PTPRZ1: variants seen among roughly 807,000 people sequenced by gnomAD.
PTPRZ1 encodes protein tyrosine phosphatase receptor type Z1, also known as receptor-type tyrosine-protein phosphatase zeta.
A neutral mutation model predicts 214.1 loss-of-function variants in PTPRZ1; 82 were observed. That is an observed-to-expected ratio of 0.38 (90% CI 0.32 to 0.46). The LOEUF is 0.46. Ranked by LOEUF, PTPRZ1 falls within the 20% of genes least tolerant of loss-of-function variation. The pLI is 1.00. For synonymous variants in PTPRZ1, 945 were observed against 987.9 expected, an observed-to-expected ratio of 0.96 and a Z score of 0.81; for missense variants, 2,603 against 2,748.7, an observed-to-expected ratio of 0.95 and a Z score of 1.19.
intron 1 of PTPRZ1, among the ~76,000 whole-genome samples, chr7:121,905,650 T>TACACACACACACACACAC (rs10528167): frequency 0.065 from 9,502 of 145,142 alleles, 449 homozygotes; most frequent in African/African-American, 0.12. Flanking sequence ...TTCTATTCTT[T>TACACACACACACACACAC]ACACACACAC....
At chr7:121,997,413 G>A (rs1017000789) in intron 9 of PTPRZ1, among the ~76,000 whole-genome samples, 26 of 152,120 alleles carry the variant, frequency 1.7e-4, no homozygotes, top group African/African-American at 5.3e-4. Context: ...TGGGAAAATC[G>A]TGAAATAAAT....
intron 15 of PTPRZ1, 147 bp downstream of exon 15, chr7:122,031,706 G>T: frequency 1.9e-6 from 1 of 534,246 alleles, no homozygotes. Context: ...TATGTGTTTA[G>T]GAGATGTGTT....
chr7:122,025,635 C>T (rs1799188643), intron 13 of PTPRZ1, among the ~76,000 whole-genome samples: 1 of 152,070 alleles, frequency 6.6e-6, no homozygotes, highest in African/African-American at 2.4e-5. Context: ...CCAGCCAAAA[C>T]AGTCTTTATG....
chr7:121,880,641 G>A (rs1299227395), intron 1 of PTPRZ1, among the ~76,000 whole-genome samples: 1 of 152,158 alleles, frequency 6.6e-6, no homozygotes, highest in East Asian at 1.9e-4. Context: ...TTTAAGCAGA[G>A]ATCATGGTAA....
intron 1 of PTPRZ1, among the ~76,000 whole-genome samples, chr7:121,877,553 C>T (rs755369501): frequency 2.4e-4 from 37 of 152,236 alleles, no homozygotes; most frequent in Middle Eastern, 3.4e-3. Context: ...GATACAGAAT[C>T]GTTCCAGCCA....
At chr7:122,027,319 C>A (rs1382542939) in intron 13 of PTPRZ1, among the ~76,000 whole-genome samples, 1 of 152,254 alleles carries the variant, frequency 6.6e-6, no homozygotes, top group African/African-American at 2.4e-5. Flanking sequence ...GGAAAGGAAG[C>A]TACTGAAGTA....
At chr7:121,922,880 TA>T (rs1201416296) in intron 1 of PTPRZ1, among the ~76,000 whole-genome samples, 1 of 152,208 alleles carries the variant, frequency 6.6e-6, no homozygotes, top group East Asian at 1.9e-4. Context: ...TTTTTTGGAT[TA>T]TTTCATACTC....
At chr7:122,019,447 A>G (rs1584748869) in intron 13 of PTPRZ1, among the ~76,000 whole-genome samples, 179 bp downstream of exon 13, 1 of 152,202 alleles carries the variant, frequency 6.6e-6, no homozygotes, top group African/African-American at 2.4e-5. Flanking sequence ...ATTGTTCTTC[A>G]TACATCAATT....
intron 1 of PTPRZ1, among the ~76,000 whole-genome samples, chr7:121,881,104 G>A (rs909844108): frequency 6.6e-6 from 1 of 152,146 alleles, no homozygotes. Context: ...AGGGTAATTA[G>A]GTCATGAGGG....
In PTPRZ1 at chr7:122,010,820, G is replaced by A. The variant is rs375597072; in HGVS notation, c.1774G>A (p.Ala592Thr). The change falls in exon 12 of 30, where the codon GCA becomes ACA. Residue 592 changes from alanine (A) to threonine (T), a missense_variant. Coordinates refer to ENST00000393386, the MANE Select transcript of PTPRZ1 (RefSeq NM_002851.3). ...GAEDSSGSSP[A>T]TSAIPFISEN... ...TGAAGATTCTTCAGGCTCCAGTCCC[G>A]CAACTTCTGCTATCCCATTCATCTC... 1.2e-5 allele frequency: 20 copies of A among 1,613,830 alleles called. No homozygotes were observed. The African/African-American group carries it at 1.7e-4, about 14-fold the overall frequency.
At chr7:121,925,629 T>A (rs371201415) in intron 1 of PTPRZ1, among the ~76,000 whole-genome samples, 2 of 152,118 alleles carry the variant, frequency 1.3e-5, no homozygotes, top group Non-Finnish European at 2.9e-5. Context: ...GCAAACTGGG[T>A]CAGGTTTTTA....
intron 3 of PTPRZ1, among the ~76,000 whole-genome samples, chr7:121,970,369 A>G (rs1038524754): frequency 1.3e-5 from 2 of 152,196 alleles, no homozygotes; most frequent in Admixed American, 6.5e-5. Context: ...TCTCTGAGGA[A>G]TCGCCACACT....
At chr7:122,003,812 C>G (rs1584731942) in intron 10 of PTPRZ1, among the ~76,000 whole-genome samples, 1 of 152,180 alleles carries the variant, frequency 6.6e-6, no homozygotes, top group African/African-American at 2.4e-5. Context: ...TGGCTAGATT[C>G]CTTCTTAGGA....
intron 9 of PTPRZ1, 125 bp downstream of exon 9, chr7:121,996,691 G>T: frequency 1.4e-6 from 1 of 698,314 alleles, no homozygotes; most frequent in South Asian, 4.4e-5. Context: ...AGGTGGGGTA[G>T]GCTGAGTATT....
intron 8 of PTPRZ1, among the ~76,000 whole-genome samples, chr7:121,990,142 A>AT: frequency 6.6e-6 from 1 of 152,150 alleles, no homozygotes; most frequent in Non-Finnish European, 1.5e-5. Context: ...TAACATCCTC[A>AT]TTTTGACCAA....
At chr7:121,920,668 A>G (rs1220019376) in intron 1 of PTPRZ1, among the ~76,000 whole-genome samples, 1 of 152,196 alleles carries the variant, frequency 6.6e-6, no homozygotes, top group Non-Finnish European at 1.5e-5. Flanking sequence ...GAAGGTTGAC[A>G]GGAAAAAAAT....
At chr7:121,908,853 A>G in intron 1 of PTPRZ1, 1 of 483,288 alleles carries the variant, frequency 2.1e-6, no homozygotes. Flanking sequence ...AGTTTTGTAT[A>G]TGGAAATATA....
chr7:122,051,801 T>G, intron 24 of PTPRZ1, 65 bp from the exon 25 acceptor site: 11 of 1,420,554 alleles, frequency 7.7e-6, no homozygotes, highest in Middle Eastern at 1.8e-4. Flanking sequence ...TACAGTGCTG[T>G]GAGCATGAGT....
intron 12 of PTPRZ1, among the ~76,000 whole-genome samples, chr7:122,018,757 G>A (rs1330617996): frequency 6.6e-5 from 10 of 152,020 alleles, no homozygotes; most frequent in African/African-American, 2.4e-4. Context: ...TGGTGATTCA[G>A]TAAGTAGCGC....
Sources: allele counts gnomAD v4.1 joint callset (sites outside exome capture counted in the v4.1 genomes callset), GRCh38; gene constraint gnomAD v4.1.1; transcripts MANE v1.5; gene names NCBI Gene and HGNC (gene_info 2026-07-23, HGNC 2026-07-21).